Variants in CRTC3 observed in about 807,000 individuals in gnomAD.
The protein encoded by CRTC3 is CREB-regulated transcription coactivator 3.
CRTC3 carries 26 observed loss-of-function variants against 74.5 expected under a neutral mutation model. The observed-to-expected ratio is 0.35, with a 90% CI of 0.26 to 0.48. The LOEUF is 0.48. CRTC3 is among the 20% of genes least tolerant of loss of function. The probability of loss-of-function intolerance (pLI) is 0.99; values close to 1 mark genes in which losing one functional copy is unlikely to be tolerated. For missense variants in CRTC3, 760 were observed against 787.3 expected, an observed-to-expected ratio of 0.97 and a Z score of 0.41; for synonymous variants, 377 against 325.8, an observed-to-expected ratio of 1.16 and a Z score of -1.69.
At chr15:90,575,991 A>G (rs1048601416) in intron 2 of CRTC3, among the ~76,000 whole-genome samples, 1 of 152,204 alleles carries the variant, frequency 6.6e-6, no homozygotes, top group African/African-American at 2.4e-5. Context: ...GCAGGGTAGA[A>G]CTAGGTTGGA....
intron 2 of CRTC3, among the ~76,000 whole-genome samples, chr15:90,568,681 C>T (rs1967182252): frequency 1.3e-5 from 2 of 152,096 alleles, no homozygotes; most frequent in Non-Finnish European, 2.9e-5. Context: ...AAGTGTTACC[C>T]AGCAGCATCA....
At chr15:90,580,631 C>CT (rs1232153561) in intron 2 of CRTC3, among the ~76,000 whole-genome samples, 3 of 151,834 alleles carry the variant, frequency 2.0e-5, no homozygotes, top group Non-Finnish European at 4.4e-5. Flanking sequence ...GGTTCGTCAT[C>CT]TGGCCAGGCT....
chr15:90,549,177 T>C (rs1299399545), intron 2 of CRTC3, among the ~76,000 whole-genome samples: 3 of 152,234 alleles, frequency 2.0e-5, no homozygotes, highest in Non-Finnish European at 2.9e-5. Context: ...ATGTGTTCAA[T>C]GGTTTTCAGA....
chr15:90,596,943 A>C (rs756393497), intron 3 of CRTC3, among the ~76,000 whole-genome samples: 5 of 152,268 alleles, frequency 3.3e-5, no homozygotes, highest in Non-Finnish European at 7.3e-5. Flanking sequence ...CTCCTATGAT[A>C]GGGTGATCTC....
Position 90,643,393 on chromosome 15 carries a change from C to G in CRTC3, c.*1253C>G, listed in dbSNP as rs1969519219. On this transcript the variant is annotated 3_prime_UTR_variant, in exon 15 of 15. Transcript: ENST00000268184. ...TCACAGTGAAGCCGGGCACTGCATTCTCCTTGGGCTGTGCTCCACGCGGGT... is the reference window on the plus strand; with the variant it reads ...TCACAGTGAAGCCGGGCACTGCATTGTCCTTGGGCTGTGCTCCACGCGGGT... 4.4e-6 allele frequency: 1 copy of G among 228,718 alleles called. No homozygotes were observed. The highest frequency in any genetic ancestry group is 8.7e-6 in the Non-Finnish European group (1 of 115,382). 14.2% of individuals were successfully genotyped at this position (228,718 alleles called of 1,614,324 possible). A position where few individuals can be genotyped will look rare whatever the true frequency, so the allele number is the denominator to read the frequency against.
chr15:90,560,084 C>T, intron 2 of CRTC3, among the ~76,000 whole-genome samples: 1 of 152,172 alleles, frequency 6.6e-6, no homozygotes, highest in Non-Finnish European at 1.5e-5. Flanking sequence ...TTATAAATAG[C>T]TTTCCTCATA....
chr15:90,556,250 G>A (rs1024479780), intron 2 of CRTC3, among the ~76,000 whole-genome samples: 2 of 151,736 alleles, frequency 1.3e-5, no homozygotes, highest in African/African-American at 4.8e-5. Flanking sequence ...GAATAATATG[G>A]TAATAAACAC....
rs1969182616 is a variant in CRTC3, at chr15:90,635,064, G to A, written c.1267-3382G>A. The A allele has an allele frequency of 1.4e-5, 12 of 838,370 alleles. No homozygotes were observed. In the Admixed American group the frequency reaches 1.7e-4, roughly 12 times the overall value. 51.9% of individuals were successfully genotyped at this position (838,370 alleles called of 1,614,324 possible). On this transcript the variant is annotated intron_variant, in intron 11 of 14. Transcript: ENST00000268184. Reference sequence around the variant, plus strand: ...GTCACTACTGAAATGGCATCAGTGTGAAGCTGCCCATTCCACTGAAGTTCT... The same window carrying A: ...GTCACTACTGAAATGGCATCAGTGTAAAGCTGCCCATTCCACTGAAGTTCT...
intron 6 of CRTC3, chr15:90,613,866 CTTCA>C (rs1372791682): frequency 1.3e-5 from 2 of 152,192 alleles, no homozygotes; most frequent in African/African-American, 2.4e-5. Context: ...ATTAAAAATA[CTTCA>C]TTCAGCCAGA....
At chr15:90,641,636 G>T (rs968096672) in intron 14 of CRTC3, among the ~76,000 whole-genome samples, 19 of 151,362 alleles carry the variant, frequency 1.3e-4, no homozygotes, top group Admixed American at 1.1e-3. Flanking sequence ...GGTGGAGCTT[G>T]CAGTGAGCCG....
At chr15:90,553,105 C>T (rs955592917) in intron 2 of CRTC3, among the ~76,000 whole-genome samples, 2 of 152,102 alleles carry the variant, frequency 1.3e-5, no homozygotes, top group Non-Finnish European at 2.9e-5. Flanking sequence ...GAATTATTTC[C>T]GGGAAAGATG....
rs773876096 is a variant in CRTC3, at chr15:90,645,081, A to G, written c.*2941A>G. The G allele has an allele frequency of 5.2e-5, 12 of 230,448 alleles. No individual in the cohort carries two copies. Among genetic ancestry groups the G allele is most frequent in the Non-Finnish European group, 1.0e-4 (12 of 116,320 alleles). 14.3% of individuals were successfully genotyped at this position (230,448 alleles called of 1,614,324 possible). A position where few individuals can be genotyped will look rare whatever the true frequency, so the allele number is the denominator to read the frequency against. The stretch of plus-strand genomic sequence containing the variant: ...GAGCTGGTGTTGTATCTTCAAGTCC[A>G]TATGCGTATTTGCAGACCTTTCCTG... On this transcript the variant is annotated 3_prime_UTR_variant, in exon 15 of 15. Coordinates refer to ENST00000268184, the MANE Select transcript of CRTC3 (RefSeq NM_022769.5).
chr15:90,582,253 C>T (rs1967559166), intron 2 of CRTC3, among the ~76,000 whole-genome samples: 1 of 152,184 alleles, frequency 6.6e-6, no homozygotes, highest in South Asian at 2.1e-4. Flanking sequence ...CCTCACCACC[C>T]AAAGATATCA....
At chr15:90,563,506 A>G (rs1420572336) in intron 2 of CRTC3, among the ~76,000 whole-genome samples, 1 of 152,204 alleles carries the variant, frequency 6.6e-6, no homozygotes, top group Non-Finnish European at 1.5e-5. Context: ...AGAATATTAA[A>G]GGGGAAACAT....
intron 9 of CRTC3, 130 bp from the exon 10 acceptor site, chr15:90,625,646 G>A (rs886919062): frequency 3.5e-5 from 27 of 779,258 alleles, no homozygotes; most frequent in Non-Finnish European, 5.9e-5. Context: ...CAGAATCAGA[G>A]AGGCCGCACC....
chr15:90,531,441 G>C (rs1966625330), intron 1 of CRTC3, among the ~76,000 whole-genome samples: 1 of 152,118 alleles, frequency 6.6e-6, no homozygotes, highest in Non-Finnish European at 1.5e-5. Context: ...GGGGAGATTA[G>C]GTGACAGTTG....
At chr15:90,626,670 G>A (rs915152234) in intron 10 of CRTC3, among the ~76,000 whole-genome samples, 4 of 150,312 alleles carry the variant, frequency 2.7e-5, no homozygotes, top group African/African-American at 9.9e-5. Flanking sequence ...AGAGTGCAGT[G>A]GCACGATCTC....
At chr15:90,562,350 A>C (rs1331794222) in intron 2 of CRTC3, among the ~76,000 whole-genome samples, 5 of 152,102 alleles carry the variant, frequency 3.3e-5, no homozygotes. Flanking sequence ...TCCCCATTTT[A>C]CTGATGCTTA....
intron 2 of CRTC3, among the ~76,000 whole-genome samples, chr15:90,570,851 G>T (rs1386568196): frequency 6.6e-6 from 1 of 152,054 alleles, no homozygotes; most frequent in African/African-American, 2.4e-5. Context: ...CTTTACTTTG[G>T]CTTACAAAAG....
Sources: allele counts gnomAD v4.1 joint callset (sites outside exome capture counted in the v4.1 genomes callset), GRCh38; gene constraint gnomAD v4.1.1; transcripts MANE v1.5; gene names NCBI Gene and HGNC (gene_info 2026-07-23, HGNC 2026-07-21).